MEIS2: variants seen among roughly 807,000 people sequenced by gnomAD.
MEIS2 encodes homeobox protein Meis2.
MEIS2 carries 9 observed loss-of-function variants against 58.6 expected under a neutral mutation model. The observed-to-expected ratio is 0.15, with a 90% CI of 0.09 to 0.27. The LOEUF (loss-of-function observed/expected upper bound fraction) is 0.27, where lower values mean the gene tolerates loss of function less well. MEIS2 is among the 10% of genes least tolerant of loss of function. MEIS2 has a pLI of 1.00. For missense variants in MEIS2, 427 were observed against 635.0 expected, an observed-to-expected ratio of 0.67 and a Z score of 3.52; for synonymous variants, 221 against 228.4, an observed-to-expected ratio of 0.97 and a Z score of 0.29.
intron 6 of MEIS2, among the ~76,000 whole-genome samples, chr15:37,088,881 A>T (rs1238637734): frequency 6.6e-6 from 1 of 152,170 alleles, no homozygotes; most frequent in African/African-American, 2.4e-5. Flanking sequence ...ATTTAGTATT[A>T]AAAAAAGAAA....
chr15:37,065,897 G>C (rs1236685557), intron 7 of MEIS2, among the ~76,000 whole-genome samples: 1 of 152,168 alleles, frequency 6.6e-6, no homozygotes, highest in African/African-American at 2.4e-5. Flanking sequence ...GTGGAGGTTT[G>C]ATGCAAAGAG....
At chr15:36,904,230 CT>C (rs2056613120) in intron 9 of MEIS2, among the ~76,000 whole-genome samples, 1 of 152,190 alleles carries the variant, frequency 6.6e-6, no homozygotes, top group Admixed American at 6.5e-5. Context: ...TCAACAAGCT[CT>C]GACAACTGCA....
chr15:36,958,636 A>T (rs1310407031), intron 8 of MEIS2, among the ~76,000 whole-genome samples: 1 of 152,210 alleles, frequency 6.6e-6, no homozygotes, highest in African/African-American at 2.4e-5. Context: ...TTTCCTATTG[A>T]CTGAGACTTT....
chr15:36,896,568 T>C (rs771548213), intron 10 of MEIS2, 60 bp downstream of exon 10: 24 of 1,347,268 alleles, frequency 1.8e-5, no homozygotes, highest in Non-Finnish European at 2.3e-5. Flanking sequence ...ACTACTGGAG[T>C]ATAACTTGAT....
At chr15:36,990,718 T>G (rs763322372) in intron 8 of MEIS2, among the ~76,000 whole-genome samples, 2 of 152,088 alleles carry the variant, frequency 1.3e-5, no homozygotes, top group Non-Finnish European at 2.9e-5. Context: ...TTGATGTACT[T>G]AAGTATATTG....
chr15:36,989,034 A>G (rs892144024), intron 8 of MEIS2, among the ~76,000 whole-genome samples: 2 of 152,238 alleles, frequency 1.3e-5, no homozygotes, highest in African/African-American at 4.8e-5. Context: ...GCCAGCTTCT[A>G]TAAACACATC....
intron 8 of MEIS2, among the ~76,000 whole-genome samples, chr15:37,022,758 G>GCAATTCAAT (rs1226816429): frequency 1.3e-5 from 2 of 152,120 alleles, no homozygotes; most frequent in African/African-American, 4.8e-5. Context: ...AGCAATTCAA[G>GCAATTCAAT]CAATTCTCCT....
chr15:37,080,945 G>GTTT (rs1238609695), intron 7 of MEIS2, among the ~76,000 whole-genome samples: 8 of 152,020 alleles, frequency 5.3e-5, no homozygotes, highest in African/African-American at 1.9e-4. Flanking sequence ...ACACTATGGA[G>GTTT]GAAAAGATGA....
chr15:37,000,673 T>C (rs1293085587), intron 8 of MEIS2, among the ~76,000 whole-genome samples: 1 of 152,170 alleles, frequency 6.6e-6, no homozygotes, highest in African/African-American at 2.4e-5. Context: ...CCTTTGATTT[T>C]CCCCCACTTA....
chr15:36,926,573 A>G (rs758648204), intron 9 of MEIS2, among the ~76,000 whole-genome samples: 12 of 152,198 alleles, frequency 7.9e-5, no homozygotes, highest in Admixed American at 4.6e-4. Flanking sequence ...GCCCATCCAG[A>G]CCTGAAGATT....
intron 7 of MEIS2, among the ~76,000 whole-genome samples, chr15:37,047,757 C>T (rs1344800871): frequency 1.3e-5 from 2 of 152,170 alleles, no homozygotes; most frequent in Non-Finnish European, 2.9e-5. Context: ...GATGTGTCTT[C>T]CCAATTTCAC....
intron 7 of MEIS2, among the ~76,000 whole-genome samples, chr15:37,037,304 A>T (rs1263972496): frequency 1.3e-5 from 2 of 152,180 alleles, no homozygotes; most frequent in African/African-American, 4.8e-5. Context: ...CCCAGAGTGA[A>T]CACATACTGT....
chr15:36,996,744 C>T (rs1388271441), intron 8 of MEIS2, among the ~76,000 whole-genome samples: 1 of 152,176 alleles, frequency 6.6e-6, no homozygotes, highest in African/African-American at 2.4e-5. Context: ...AACTTCTATG[C>T]TGGCTTAAGA....
rs56913685 is a variant in MEIS2 at position 36,995,045 on chromosome 15, G to C, written c.900+41769C>G. Among the ~76,000 whole-genome samples, 22 of 152,158 alleles carry C rather than the reference G, an allele frequency of 1.4e-4. No individual in the cohort carries two copies. In the East Asian group the frequency reaches 4.2e-3, roughly 29 times the overall value. On this transcript the variant is annotated intron_variant, in intron 8 of 11. Transcript: ENST00000561208. ...TTTCCCTGGGGCACAAACTTCACTC[G>C]TCCATACTTTTAATATATTTTGTCT...
intron 7 of MEIS2, among the ~76,000 whole-genome samples, chr15:37,054,707 C>T (rs893048370): frequency 9.2e-5 from 14 of 152,168 alleles, no homozygotes; most frequent in African/African-American, 3.1e-4. Context: ...GCTGAGCCAC[C>T]GTGCCCAGCA....
rs183731641 is a variant in MEIS2 at position 36,973,925 on chromosome 15, C to T, written c.901-23525G>A. 9.2e-5 allele frequency among the ~76,000 whole-genome samples: 14 copies of T among 152,206 alleles called. No homozygotes were observed. The East Asian group carries it at 2.5e-3, about 27-fold the overall frequency. ...TGCCTTGTTGTCTATGGATACCTGC[C>T]AGAACTTGTACTTACGTATTTCTAA... On this transcript the variant is annotated intron_variant, in intron 8 of 11. Transcript: ENST00000561208.
chr15:37,084,037 G>A (rs974248395), intron 6 of MEIS2, 152 bp from the exon 7 acceptor site: 10 of 610,536 alleles, frequency 1.6e-5, no homozygotes, highest in Admixed American at 3.1e-5. Context: ...ATGGTGTGCT[G>A]TCTTTTTAGT....
rs549072114 is a variant in MEIS2 at position 36,898,977 on chromosome 15, G to A, written c.978-2291C>T. Among the ~76,000 whole-genome samples the A allele has an allele frequency of 6.6e-5, 10 of 152,280 alleles. No individual in the cohort carries two copies. The East Asian group carries it at 1.7e-3, about 26-fold the overall frequency. On this transcript the variant is annotated intron_variant, in intron 9 of 11. Coordinates refer to ENST00000561208, the MANE Select transcript of MEIS2 (RefSeq NM_170675.5). ...ATGTTCACTAGCAGTTATGGCAATGGCCTTTCTTTACCCACTTCTCCTAAG... is the reference window on the plus strand; with the variant it reads ...ATGTTCACTAGCAGTTATGGCAATGACCTTTCTTTACCCACTTCTCCTAAG...
At chr15:36,938,093 T>C (rs1451155610) in intron 9 of MEIS2, among the ~76,000 whole-genome samples, 3 of 152,192 alleles carry the variant, frequency 2.0e-5, no homozygotes, top group Non-Finnish European at 4.4e-5. Flanking sequence ...GAAGGTCCTC[T>C]ATGCCTAGAT....
Sources: gnomAD v4.1 joint callset for allele counts (sites outside exome capture counted in the v4.1 genomes callset) on GRCh38, gnomAD v4.1.1 for gene constraint, MANE v1.5 for transcripts, NCBI Gene and HGNC (gene_info 2026-07-23, HGNC 2026-07-21) for gene names.